Variants in LUZP2 observed in about 807,000 individuals in gnomAD.
The protein encoded by LUZP2 is leucine zipper protein 2.
A neutral mutation model predicts 51.6 loss-of-function variants in LUZP2; 52 were observed. The observed-to-expected ratio is 1.01, with a 90% CI of 0.81 to 1.27. The LOEUF (loss-of-function observed/expected upper bound fraction) is 1.27, where lower values mean the gene tolerates loss of function less well. LUZP2 is among the 50% of genes most tolerant of loss of function. LUZP2 has a pLI of 0.00. For missense variants in LUZP2, 436 were observed against 395.4 expected (o/e 1.10, Z -0.87); for synonymous variants, 154 against 137.3 (o/e 1.12, Z -0.85).
intron 1 of LUZP2, among the ~76,000 whole-genome samples, chr11:24,690,535 T>A (rs954287782): frequency 6.6e-6 from 1 of 152,158 alleles, no homozygotes; most frequent in African/African-American, 2.4e-5. Context: ...TATTTAAACT[T>A]CATTTGGTTA....
At chr11:24,636,009 A>G (rs147359440) in intron 1 of LUZP2, among the ~76,000 whole-genome samples, 2,271 of 152,216 alleles carry the variant, frequency 0.015, 31 homozygotes, top group Non-Finnish European at 0.023. Flanking sequence ...CTGGGTGGCA[A>G]TCTACTCTGG....
chr11:24,770,743 G>A (rs1309732384), intron 5 of LUZP2, among the ~76,000 whole-genome samples: 1 of 152,096 alleles, frequency 6.6e-6, no homozygotes, highest in African/African-American at 2.4e-5. Flanking sequence ...TCTTGGTTAT[G>A]GCAAAATTTG....
chr11:24,794,665 A>C (rs1849502042), intron 5 of LUZP2, among the ~76,000 whole-genome samples: 1 of 152,124 alleles, frequency 6.6e-6, no homozygotes, highest in African/African-American at 2.4e-5. Context: ...TAATTGGACA[A>C]ATGAAAGGTG....
At chr11:24,518,901 T>A (rs1850557681) in intron 1 of LUZP2, among the ~76,000 whole-genome samples, 1 of 152,228 alleles carries the variant, frequency 6.6e-6, no homozygotes, top group African/African-American at 2.4e-5. Flanking sequence ...GGATTCAAAC[T>A]TGCTTAGTGC....
chr11:24,860,219 C>T (rs1851696831), intron 5 of LUZP2, among the ~76,000 whole-genome samples: 1 of 152,198 alleles, frequency 6.6e-6, no homozygotes, highest in South Asian at 2.1e-4. Context: ...CCTGTCCCAT[C>T]CTTCCTCACT....
intron 1 of LUZP2, among the ~76,000 whole-genome samples, chr11:24,624,410 T>G (rs1202524193): frequency 6.6e-6 from 1 of 152,090 alleles, no homozygotes; most frequent in Admixed American, 6.6e-5. Flanking sequence ...ATAAAACTCT[T>G]AGTCAAAAAT....
chr11:24,529,542 CT>C (rs1850929120), intron 1 of LUZP2, among the ~76,000 whole-genome samples: 1 of 150,936 alleles, frequency 6.6e-6, no homozygotes, highest in East Asian at 1.9e-4. Flanking sequence ...TAATAAATTG[CT>C]TTCTTCAAAC....
intron 5 of LUZP2, among the ~76,000 whole-genome samples, chr11:24,894,507 G>A (rs1852969750): frequency 6.6e-6 from 1 of 151,788 alleles, no homozygotes. Flanking sequence ...AGATTAAAGG[G>A]TACTTGTACA....
chr11:24,661,394 AACGC>A, intron 1 of LUZP2, among the ~76,000 whole-genome samples: 1 of 152,340 alleles, frequency 6.6e-6, no homozygotes, highest in East Asian at 1.9e-4. Flanking sequence ...CCAACTTAGA[AACGC>A]ACTCAGCACC....
At chr11:24,833,243 T>A (rs140205319) in intron 5 of LUZP2, among the ~76,000 whole-genome samples, 70 of 152,258 alleles carry the variant, frequency 4.6e-4, no homozygotes, top group Non-Finnish European at 8.4e-4. Context: ...GTAAACTGAT[T>A]TCTATCTCTG....
At chr11:24,586,763 C>A (rs1241950055) in intron 1 of LUZP2, among the ~76,000 whole-genome samples, 7 of 152,018 alleles carry the variant, frequency 4.6e-5, no homozygotes, top group Non-Finnish European at 1.0e-4. Context: ...TTAATCCTCA[C>A]TAGGAAACCC....
chr11:24,560,488 A>C (rs907292691), intron 1 of LUZP2, among the ~76,000 whole-genome samples: 6 of 152,150 alleles, frequency 3.9e-5, no homozygotes, highest in Admixed American at 1.3e-4. Context: ...CATTATAAAA[A>C]ACTCACTATG....
intron 1 of LUZP2, among the ~76,000 whole-genome samples, chr11:24,523,548 T>TTA (rs1406621966): frequency 3.3e-5 from 5 of 150,444 alleles, no homozygotes; most frequent in Admixed American, 6.6e-5. Context: ...TAATAATCTA[T>TTA]TATATATATA....
intron 5 of LUZP2, among the ~76,000 whole-genome samples, chr11:24,850,588 T>A (rs1484666311): frequency 6.6e-6 from 1 of 152,172 alleles, no homozygotes; most frequent in African/African-American, 2.4e-5. Flanking sequence ...TGCTTAGGAT[T>A]GTCTTGGTGA....
intron 5 of LUZP2, among the ~76,000 whole-genome samples, chr11:24,800,975 C>G (rs79748396): frequency 0.019 from 2,947 of 152,120 alleles, 97 homozygotes; most frequent in African/African-American, 0.068. Flanking sequence ...GCAAAAATTC[C>G]GAGTAGATTA....
chr11:25,044,798 T>C (rs1305588564), intron 9 of LUZP2, among the ~76,000 whole-genome samples: 1 of 151,856 alleles, frequency 6.6e-6, no homozygotes, highest in Non-Finnish European at 1.5e-5. Context: ...AGCAAAGACT[T>C]GGAACCAACC....
chr11:24,771,742 T>C (rs1860426987), intron 5 of LUZP2, among the ~76,000 whole-genome samples: 1 of 152,060 alleles, frequency 6.6e-6, no homozygotes, highest in Admixed American at 6.6e-5. Context: ...TGGAGATAAT[T>C]GAATCATGGG....
intron 7 of LUZP2, among the ~76,000 whole-genome samples, chr11:24,974,642 C>A (rs1386163972): frequency 6.6e-6 from 1 of 151,916 alleles, no homozygotes; most frequent in Admixed American, 6.6e-5. Flanking sequence ...GTTTCTGTTT[C>A]ACAAGAGAAG....
intron 1 of LUZP2, among the ~76,000 whole-genome samples, chr11:24,508,453 T>C (rs893633172): frequency 6.6e-6 from 1 of 152,164 alleles, no homozygotes; most frequent in Admixed American, 6.5e-5. Context: ...GTTTTTGTGG[T>C]AAAAGAAAAA....
Sources: gnomAD v4.1 joint callset for allele counts (sites outside exome capture counted in the v4.1 genomes callset) on GRCh38, gnomAD v4.1.1 for gene constraint, MANE v1.5 for transcripts, NCBI Gene and HGNC (gene_info 2026-07-23, HGNC 2026-07-21) for gene names.